BACH2: variants seen among roughly 807,000 people sequenced by gnomAD.
BACH2 encodes the protein BACH transcriptional regulator 2.
A neutral mutation model predicts 61.8 loss-of-function variants in BACH2; 5 were observed. That is an observed-to-expected ratio of 0.08 (90% CI 0.04 to 0.17). BACH2 has a LOEUF of 0.17. BACH2 is among the 10% of genes least tolerant of loss of function. BACH2 has a pLI of 1.00. For synonymous variants in BACH2, 446 were observed against 440.1 expected, an observed-to-expected ratio of 1.01 and a Z score of -0.17; for missense variants, 824 against 1,091.1, an observed-to-expected ratio of 0.76 and a Z score of 3.45.
At chr6:90,188,670 CT>C (rs1236098805) in intron 4 of BACH2, among the ~76,000 whole-genome samples, 1 of 145,146 alleles carries the variant, frequency 6.9e-6, no homozygotes, top group Non-Finnish European at 1.5e-5. Flanking sequence ...ATATTTTATA[CT>C]TACTTTTTCT....
intron 7 of BACH2, 57 bp from the exon 8 acceptor site, chr6:89,938,407 C>T (rs1056843505): frequency 5.3e-5 from 78 of 1,472,198 alleles, no homozygotes; most frequent in South Asian, 1.3e-4. Flanking sequence ...TTCTGGCAGG[C>T]GGAACATCAA....
intron 4 of BACH2, among the ~76,000 whole-genome samples, chr6:90,092,315 T>TATATATATATATATATATACAC: frequency 8.9e-6 from 1 of 112,478 alleles, no homozygotes; most frequent in South Asian, 3.3e-4. Context: ...TATATATATA[T>TATATATATATATATATATACAC]ACACACACAC....
intron 4 of BACH2, among the ~76,000 whole-genome samples, chr6:90,138,692 A>G (rs1026893896): frequency 1.3e-5 from 2 of 152,172 alleles, no homozygotes; most frequent in African/African-American, 4.8e-5. Flanking sequence ...GACACATCCT[A>G]GGAGATAGAA....
chr6:89,969,820 C>T (rs531597132), intron 6 of BACH2, among the ~76,000 whole-genome samples: 3 of 152,248 alleles, frequency 2.0e-5, no homozygotes, highest in South Asian at 4.2e-4. Flanking sequence ...GACACATATA[C>T]CAGTCCTGCT....
At chr6:90,067,391 A>T (rs1030388181) in intron 5 of BACH2, among the ~76,000 whole-genome samples, 1 of 152,184 alleles carries the variant, frequency 6.6e-6, no homozygotes, top group African/African-American at 2.4e-5. Context: ...GATGTTACGC[A>T]GTAAGTAGTG....
At chr6:90,290,624 T>C (rs1772149236) in intron 1 of BACH2, among the ~76,000 whole-genome samples, 1 of 152,260 alleles carries the variant, frequency 6.6e-6, no homozygotes, top group African/African-American at 2.4e-5. Context: ...GGAAAGATGC[T>C]GAGCATGTAC....
At chr6:90,165,955 C>T (rs1767596600) in intron 4 of BACH2, among the ~76,000 whole-genome samples, 1 of 152,024 alleles carries the variant, frequency 6.6e-6, no homozygotes, top group Admixed American at 6.6e-5. Context: ...CCATAAAAAC[C>T]CTAGAAGAAA....
intron 6 of BACH2, among the ~76,000 whole-genome samples, chr6:89,995,661 G>C (rs530647186): frequency 2.6e-5 from 4 of 152,066 alleles, no homozygotes; most frequent in Non-Finnish European, 5.9e-5. Flanking sequence ...CTTTGACCCC[G>C]AGTGATCACC....
In BACH2 at chr6:90,210,249, C is replaced by T. The variant is rs192352338; in HGVS notation, c.-274-3568G>A. On this transcript the variant is annotated intron_variant, in intron 3 of 8. Transcript: ENST00000257749. ...CTAGAAGTGACTTCATTTCAAGACG[C>T]TATGGAAATAAAGCATGTGAAAGAC... Among the ~76,000 whole-genome samples, 20 of 151,618 alleles carry T rather than the reference C, an allele frequency of 1.3e-4. No homozygotes were observed. In the East Asian group the frequency reaches 3.1e-3, roughly 24 times the overall value.
chr6:89,993,937 C>A (rs1221066969), intron 6 of BACH2, among the ~76,000 whole-genome samples: 2 of 151,568 alleles, frequency 1.3e-5, no homozygotes, highest in Non-Finnish European at 2.9e-5. Flanking sequence ...AAAATGTCAT[C>A]ATTCATCTGA....
intron 7 of BACH2, among the ~76,000 whole-genome samples, chr6:89,942,364 G>A (rs1200247247): frequency 1.3e-5 from 2 of 152,300 alleles, no homozygotes; most frequent in Non-Finnish European, 2.9e-5. Flanking sequence ...ATGGGGCTGA[G>A]GAGTCAGAGA....
In BACH2 at chr6:89,950,321, C is replaced by G; in HGVS notation, c.1785G>C (p.Ser595=). 1 of 1,614,164 alleles carries G rather than the reference C, an allele frequency of 6.2e-7. No individual in the cohort carries two copies. Among genetic ancestry groups the G allele is most frequent in the Non-Finnish European group, 8.5e-7 (1 of 1,180,044 alleles). ...ACGACTCACTGTCTGCTTCCGAGAACGATCCGGATTCGTCACTGGAGTTGG... is the reference window on the plus strand; with the variant it reads ...ACGACTCACTGTCTGCTTCCGAGAAGGATCCGGATTCGTCACTGGAGTTGG... ...YGTNSSDESG[S]FSEADSESCP... Residue 595 remains serine (S), a synonymous_variant, in exon 7 of 9, where the codon TCG becomes TCC. Coordinates refer to ENST00000257749, the MANE Select transcript of BACH2 (RefSeq NM_021813.4). The surrounding 1 kb of genome is among the most constrained non-coding windows in gnomAD (Gnocchi z 5.3).
intron 1 of BACH2, among the ~76,000 whole-genome samples, chr6:90,289,744 G>A (rs755178): frequency 0.056 from 8,599 of 152,284 alleles, 343 homozygotes; most frequent in Non-Finnish European, 0.09. Context: ...TGCTGGCCAT[G>A]GGTTGGACAA....
intron 4 of BACH2, among the ~76,000 whole-genome samples, chr6:90,120,824 A>G (rs1424985575): frequency 6.6e-6 from 1 of 152,242 alleles, no homozygotes; most frequent in Non-Finnish European, 1.5e-5. Context: ...GGAGCACATC[A>G]GCTCTCTCTG....
chr6:90,191,992 T>C (rs1768590881), intron 4 of BACH2, among the ~76,000 whole-genome samples: 1 of 152,242 alleles, frequency 6.6e-6, no homozygotes, highest in Non-Finnish European at 1.5e-5. Context: ...TGACTAGCTT[T>C]GCTACAGTAC....
chr6:89,983,035 C>A (rs1432604785), intron 6 of BACH2, among the ~76,000 whole-genome samples: 1 of 152,200 alleles, frequency 6.6e-6, no homozygotes, highest in Non-Finnish European at 1.5e-5. Context: ...TTGCCCATCA[C>A]CCAGTTTCAT....
chr6:90,113,071 T>C (rs1311265631), intron 4 of BACH2, among the ~76,000 whole-genome samples: 2 of 152,208 alleles, frequency 1.3e-5, no homozygotes, highest in Non-Finnish European at 2.9e-5. Context: ...TAAATATAAA[T>C]GCACTCAACA....
chr6:89,989,417 G>A (rs901360947), intron 6 of BACH2, among the ~76,000 whole-genome samples: 3 of 151,996 alleles, frequency 2.0e-5, no homozygotes, highest in African/African-American at 7.2e-5. Flanking sequence ...TTATGCGGTG[G>A]GCTTATTTCT....
intron 3 of BACH2, among the ~76,000 whole-genome samples, chr6:90,226,196 T>A (rs1769908813): frequency 6.6e-6 from 1 of 152,182 alleles, no homozygotes. Flanking sequence ...AGCTTTATGA[T>A]CACAGCAAGG....
Sources: allele counts gnomAD v4.1 joint callset (sites outside exome capture counted in the v4.1 genomes callset), GRCh38; gene constraint gnomAD v4.1.1; non-coding constraint Gnocchi (gnomAD v3.1); transcripts MANE v1.5; gene names NCBI Gene and HGNC (gene_info 2026-07-23, HGNC 2026-07-21).